The following SLC8A1 variants were observed in gnomAD, a reference collection of about 807,000 sequenced individuals.
SLC8A1 encodes solute carrier family 8 member A1.
SLC8A1 carries 18 observed loss-of-function variants against 68.3 expected under a neutral mutation model. The observed-to-expected ratio is 0.26, with a 90% CI of 0.18 to 0.39. The LOEUF is 0.39. Among genes scored for constraint, SLC8A1 ranks in the 10% least tolerant of loss-of-function variants. The pLI is 1.00. For missense variants in SLC8A1, 985 were observed against 1,156.7 expected, an observed-to-expected ratio of 0.85 and a Z score of 2.15; for synonymous variants, 475 against 415.5, an observed-to-expected ratio of 1.14 and a Z score of -1.74.
At chr2:40,359,921 G>C (rs1335410843) in intron 2 of SLC8A1, among the ~76,000 whole-genome samples, 1 of 124,318 alleles carries the variant, frequency 8.0e-6, no homozygotes, top group Non-Finnish European at 1.8e-5. Context: ...CTTTTACCCA[G>C]AGTTTAACTT....
Position 40,311,632 on chromosome 2 carries a change from A to C in SLC8A1, c.1808+116841T>G, listed in dbSNP as rs185717883. On this transcript the variant is annotated intron_variant, in intron 2 of 7. Coordinates refer to ENST00000406785, the Ensembl canonical transcript of SLC8A1. ...AGAATATATCTGGAAGGACATCCAT[A>C]AAGTATTGACAATTGTATCCCCAAG... 3.1e-4 allele frequency among the ~76,000 whole-genome samples: 47 copies of C among 152,234 alleles called. 1 individual carries two copies. In the East Asian group the frequency reaches 8.3e-3, roughly 27 times the overall value.
At chr2:40,428,348 A>C in intron 2 of SLC8A1, 125 bp downstream of exon 2, 1 of 1,389,954 alleles carries the variant, frequency 7.2e-7, no homozygotes, top group South Asian at 1.8e-5. Context: ...GATCTTGTAT[A>C]AAAGCTATTC....
chr2:40,135,258 T>C (rs1462496742), intron 7 of SLC8A1, among the ~76,000 whole-genome samples: 1 of 152,170 alleles, frequency 6.6e-6, no homozygotes, highest in Admixed American at 6.5e-5. Context: ...CTATAAGCTG[T>C]AGTCTGGCCT....
chr2:40,224,680 G>A (rs1460962560), intron 2 of SLC8A1, among the ~76,000 whole-genome samples: 1 of 152,098 alleles, frequency 6.6e-6, no homozygotes, highest in Admixed American at 6.5e-5. Context: ...TTTTAAAGCT[G>A]CACAAGTGAT....
intron 2 of SLC8A1, among the ~76,000 whole-genome samples, chr2:40,342,217 G>A (rs983169264): frequency 5.9e-5 from 9 of 152,132 alleles, no homozygotes; most frequent in South Asian, 4.1e-4. Context: ...TTAACTACTC[G>A]TATCTAACAC....
At chr2:40,242,974 C>G (rs921129083) in intron 2 of SLC8A1, among the ~76,000 whole-genome samples, 6 of 152,192 alleles carry the variant, frequency 3.9e-5, no homozygotes, top group Non-Finnish European at 8.8e-5. Context: ...AATCTGAGAT[C>G]ATTGCAGAGA....
At chr2:40,285,689 C>T (rs1329587081) in intron 2 of SLC8A1, among the ~76,000 whole-genome samples, 2 of 152,076 alleles carry the variant, frequency 1.3e-5, no homozygotes, top group Non-Finnish European at 2.9e-5. Flanking sequence ...AGGTATTTTG[C>T]TCATATAAGG....
At chr2:40,309,202 T>G (rs2073226813) in intron 2 of SLC8A1, among the ~76,000 whole-genome samples, 1 of 152,300 alleles carries the variant, frequency 6.6e-6, no homozygotes, top group African/African-American at 2.4e-5. Context: ...TATTCCTTAT[T>G]TATCTTCTTA....
At chr2:40,371,506 A>G (rs1678050343) in intron 2 of SLC8A1, among the ~76,000 whole-genome samples, 2 of 152,104 alleles carry the variant, frequency 1.3e-5, no homozygotes, top group African/African-American at 4.8e-5. Context: ...CCTCACTCTT[A>G]AAACACAGAA....
intron 2 of SLC8A1, among the ~76,000 whole-genome samples, chr2:40,417,870 T>TACACAC (rs70957174): frequency 9.2e-4 from 135 of 147,266 alleles, no homozygotes; most frequent in Admixed American, 2.1e-3. Context: ...CTTGGATGGA[T>TACACAC]ACACACACAC....
intron 6 of SLC8A1, among the ~76,000 whole-genome samples, chr2:40,158,798 G>T (rs2045109134): frequency 6.6e-6 from 1 of 152,108 alleles, no homozygotes; most frequent in Non-Finnish European, 1.5e-5. Flanking sequence ...ATTATCGTAA[G>T]ATAACGATAA....
At chr2:40,125,858 T>C (rs568616998) in intron 7 of SLC8A1, among the ~76,000 whole-genome samples, 2 of 152,314 alleles carry the variant, frequency 1.3e-5, no homozygotes, top group East Asian at 3.9e-4. Context: ...CCCAGGGACG[T>C]AGGACAGTTT....
rs922577762 is a variant in SLC8A1 at position 40,382,436 on chromosome 2, G to A, written c.1808+46037C>T. Among the ~76,000 whole-genome samples, 30 of 152,126 alleles carry A rather than the reference G, an allele frequency of 2.0e-4. No homozygotes were observed. In the South Asian group the frequency reaches 3.5e-3, roughly 18 times the overall value. On this transcript the variant is annotated intron_variant, in intron 2 of 7. Transcript: ENST00000406785. The stretch of plus-strand genomic sequence containing the variant: ...ACCTGTTTACATCACTTTTGTTACC[G>A]TAATTTCCATAATTTGATTAAATAT...
chr2:40,454,448 T>A (rs1702871588), upstream of SLC8A1, among the ~76,000 whole-genome samples: 1 of 151,804 alleles, frequency 6.6e-6, no homozygotes, highest in South Asian at 2.1e-4. Flanking sequence ...TAAATGTTTA[T>A]ACTCCAGTGA....
At chr2:40,408,191 T>C (rs773280084) in intron 2 of SLC8A1, among the ~76,000 whole-genome samples, 1 of 152,212 alleles carries the variant, frequency 6.6e-6, no homozygotes, top group Non-Finnish European at 1.5e-5. Flanking sequence ...GCATCAAATA[T>C]AGTTCAATAC....
intron 2 of SLC8A1, among the ~76,000 whole-genome samples, chr2:40,380,801 G>A (rs1471353214): frequency 6.6e-6 from 1 of 152,080 alleles, no homozygotes; most frequent in Non-Finnish European, 1.5e-5. Flanking sequence ...CCTGGCTACA[G>A]CTAGATCTGG....
At chr2:40,472,556 G>C (rs978950064) in intron 1 of SLC8A1, among the ~76,000 whole-genome samples, 1 of 151,978 alleles carries the variant, frequency 6.6e-6, no homozygotes, top group African/African-American at 2.4e-5. Context: ...TTAGAGACAA[G>C]GGCTTACTAT....
At chr2:40,285,379 C>G (rs2068146807) in intron 2 of SLC8A1, among the ~76,000 whole-genome samples, 2 of 152,136 alleles carry the variant, frequency 1.3e-5, no homozygotes, top group African/African-American at 2.4e-5. Context: ...ACAAGAGCAT[C>G]ATAAACTATG....
At chr2:40,237,381 T>C (rs1307229947) in intron 2 of SLC8A1, among the ~76,000 whole-genome samples, 8 of 152,374 alleles carry the variant, frequency 5.3e-5, no homozygotes, top group Non-Finnish European at 1.2e-4. Flanking sequence ...ACACCCTTTC[T>C]TCCAGTTGAT....
Sources: allele counts gnomAD v4.1 joint callset (sites outside exome capture counted in the v4.1 genomes callset), GRCh38; gene constraint gnomAD v4.1.1; transcripts MANE v1.5; gene names NCBI Gene and HGNC (gene_info 2026-07-23, HGNC 2026-07-21).